The following GLCE variants were observed in gnomAD, a reference collection of about 807,000 sequenced individuals.
GLCE encodes the protein D-glucuronyl C5-epimerase.
Under a neutral mutation model 47.9 loss-of-function variants are expected in GLCE, and 19 were observed. The ratio of observed to expected loss-of-function variants is 0.40; its 90% CI spans 0.28 to 0.58. The LOEUF (loss-of-function observed/expected upper bound fraction) is 0.58, where lower values mean the gene tolerates loss of function less well. Among genes scored for constraint, GLCE ranks in the 20% least tolerant of loss-of-function variants. The pLI, the probability that GLCE is intolerant of heterozygous loss-of-function variation, is 0.48. For missense variants in GLCE, 556 were observed against 743.3 expected, an observed-to-expected ratio of 0.75 and a Z score of 2.93; for synonymous variants, 245 against 263.4, an observed-to-expected ratio of 0.93 and a Z score of 0.68.
At chr15:69,185,059 A>G (rs899047655) in intron 1 of GLCE, among the ~76,000 whole-genome samples, 2 of 152,228 alleles carry the variant, frequency 1.3e-5, no homozygotes, top group Admixed American at 6.5e-5. Flanking sequence ...TGGAGAACAC[A>G]GTCACAATGT....
At chr15:69,204,699 A>C (rs2052125852) in intron 1 of GLCE, among the ~76,000 whole-genome samples, 1 of 152,122 alleles carries the variant, frequency 6.6e-6, no homozygotes, top group Admixed American at 6.6e-5. Context: ...AGTATTTTTA[A>C]AAGAGCTTTA....
intron 1 of GLCE, among the ~76,000 whole-genome samples, chr15:69,167,921 G>C (rs1015741633): frequency 6.7e-6 from 1 of 148,294 alleles, no homozygotes; most frequent in African/African-American, 2.5e-5. Flanking sequence ...TCTTTAACAT[G>C]TTCTTTCAGA....
At chr15:69,227,200 A>G (rs948511554) in intron 2 of GLCE, among the ~76,000 whole-genome samples, 13 of 152,170 alleles carry the variant, frequency 8.5e-5, no homozygotes, top group Non-Finnish European at 1.6e-4. Context: ...TAAGAGAGAC[A>G]TTTTTGCTAA....
chr15:69,253,065 G>A (rs1171351520), intron 2 of GLCE, among the ~76,000 whole-genome samples: 1 of 152,162 alleles, frequency 6.6e-6, no homozygotes. Context: ...GACTACCCAA[G>A]GATGATAGTT....
chr15:69,163,506 G>A (rs942221576), intron 1 of GLCE, among the ~76,000 whole-genome samples: 3 of 152,108 alleles, frequency 2.0e-5, no homozygotes, highest in Non-Finnish European at 2.9e-5. Context: ...AAGAAACCAA[G>A]CAAAATAGTT....
intron 2 of GLCE, among the ~76,000 whole-genome samples, chr15:69,215,082 C>T (rs2052286480): frequency 6.6e-6 from 1 of 152,122 alleles, no homozygotes. Flanking sequence ...TAGTTATTTG[C>T]ATTTAATTTG....
chr15:69,256,300 G>C lies in GLCE; in HGVS notation c.494G>C (p.Arg165Thr), dbSNP rs780931277. Residue 165 changes from arginine to threonine, a missense_variant, in exon 3 of 5, where the codon AGA becomes ACA. Coordinates refer to ENST00000261858, the MANE Select transcript of GLCE (RefSeq NM_015554.3). Reference protein sequence around the residue: ...SHSYSKVYAQRAPYHPDGVFM... With the variant: ...SHSYSKVYAQTAPYHPDGVFM... ...AGCTATTCCAAAGTCTATGCACAGA[G>C]AGCCCCCTATCACCCCGATGGTGTG... The C allele has an allele frequency of 6.2e-7, 1 of 1,613,990 alleles. No individual in the cohort carries two copies. Among genetic ancestry groups the C allele is most frequent in the Non-Finnish European group, 8.5e-7 (1 of 1,179,938 alleles).
intron 1 of GLCE, among the ~76,000 whole-genome samples, chr15:69,178,303 A>G (rs2051701866): frequency 2.0e-5 from 3 of 152,214 alleles, no homozygotes; most frequent in Admixed American, 2.0e-4. Flanking sequence ...AATGGCTTTA[A>G]GCATAAGAAA....
intron 1 of GLCE, among the ~76,000 whole-genome samples, chr15:69,186,287 C>T (rs1260583258): frequency 6.6e-6 from 1 of 151,840 alleles, no homozygotes; most frequent in East Asian, 1.9e-4. Context: ...GCTATAGAGC[C>T]GATAAAAGGA....
At chr15:69,250,566 G>A (rs2052826071) in intron 2 of GLCE, among the ~76,000 whole-genome samples, 2 of 151,556 alleles carry the variant, frequency 1.3e-5, no homozygotes, top group South Asian at 4.2e-4. Flanking sequence ...GGAATACAGT[G>A]GCTCTTCACA....
At chr15:69,192,592 A>G (rs1023026611) in intron 1 of GLCE, among the ~76,000 whole-genome samples, 1 of 152,048 alleles carries the variant, frequency 6.6e-6, no homozygotes, top group African/African-American at 2.4e-5. Flanking sequence ...TAGGTCTAAT[A>G]GTTTTTTATC....
At chr15:69,241,063 A>G (rs1056783986) in intron 2 of GLCE, among the ~76,000 whole-genome samples, 15 of 152,204 alleles carry the variant, frequency 9.9e-5, no homozygotes, top group Non-Finnish European at 1.8e-4. Context: ...TAAAATCATC[A>G]TCGTCGTCGT....
chr15:69,205,957 T>G (rs2052146122), intron 1 of GLCE, among the ~76,000 whole-genome samples: 1 of 152,092 alleles, frequency 6.6e-6, no homozygotes, highest in African/African-American at 2.4e-5. Flanking sequence ...AGTGCATTTT[T>G]CAAAACCAAG....
intron 4 of GLCE, 23 bp from the exon 5 acceptor site, chr15:69,268,197 T>C (rs2053112015): frequency 1.3e-6 from 2 of 1,485,052 alleles, no homozygotes; most frequent in Non-Finnish European, 9.1e-7. Flanking sequence ...AACCAGTCTT[T>C]GTTGGTATAT....
chr15:69,219,003 A>G (rs1340104598), intron 2 of GLCE, among the ~76,000 whole-genome samples: 1 of 152,142 alleles, frequency 6.6e-6, no homozygotes, highest in Non-Finnish European at 1.5e-5. Flanking sequence ...CAATAAACTC[A>G]TTTTATTGTA....
chr15:69,240,825 A>G (rs1314958368), intron 2 of GLCE, among the ~76,000 whole-genome samples: 1 of 152,180 alleles, frequency 6.6e-6, no homozygotes, highest in Non-Finnish European at 1.5e-5. Flanking sequence ...TGATTGACAT[A>G]AAGGATAGAG....
At chr15:69,250,175 CCACT>C (rs1259189285) in intron 2 of GLCE, among the ~76,000 whole-genome samples, 1 of 152,128 alleles carries the variant, frequency 6.6e-6, no homozygotes, top group African/African-American at 2.4e-5. Flanking sequence ...AAGCCTCTCA[CCACT>C]CAAAGTTACC....
At position 69,218,574 on chromosome 15, in the gene GLCE, A is replaced by G. The variant is rs146656277; in HGVS notation, c.-14+8168A>G. Among the ~76,000 whole-genome samples, 23 of 152,302 alleles carry G rather than the reference A, an allele frequency of 1.5e-4. No homozygotes were observed. The East Asian group carries it at 2.7e-3, about 18-fold the overall frequency. ...CTAAACTTAAGCCTGTGGGAGGGAAACTAATAATTAGACAAGACTGAAATT... is the reference window on the plus strand; with the variant it reads ...CTAAACTTAAGCCTGTGGGAGGGAAGCTAATAATTAGACAAGACTGAAATT... On this transcript the variant is annotated intron_variant, in intron 2 of 4. Transcript: ENST00000261858.
intron 4 of GLCE, among the ~76,000 whole-genome samples, chr15:69,267,473 C>T (rs1346602921): frequency 6.6e-6 from 1 of 152,354 alleles, no homozygotes; most frequent in East Asian, 1.9e-4. Flanking sequence ...ACCATTCTCT[C>T]ACTTTTTGTT....
Sources: allele counts gnomAD v4.1 joint callset (sites outside exome capture counted in the v4.1 genomes callset), GRCh38; gene constraint gnomAD v4.1.1; transcripts MANE v1.5; gene names NCBI Gene and HGNC (gene_info 2026-07-23, HGNC 2026-07-21).